The following TRAM2 variants were observed in gnomAD, a reference collection of about 807,000 sequenced individuals.
The protein encoded by TRAM2 is translocation associated membrane protein 2, also known as translocating chain-associated membrane protein 2.
In TRAM2, 12 loss-of-function variants were observed where a neutral mutation model predicts 51.0. The ratio of observed to expected loss-of-function variants is 0.24; its 90% CI spans 0.15 to 0.38. The LOEUF is 0.38. Among genes scored for constraint, TRAM2 ranks in the 10% least tolerant of loss-of-function variants. The probability of loss-of-function intolerance (pLI) is 1.00; values close to 1 mark genes in which losing one functional copy is unlikely to be tolerated. For synonymous variants in TRAM2, 175 were observed against 179.4 expected, an observed-to-expected ratio of 0.98 and a Z score of 0.20; for missense variants, 361 against 462.0, an observed-to-expected ratio of 0.78 and a Z score of 2.00.
At chr6:52,569,388 TAAAAAAAA>T (rs11331630) in intron 1 of TRAM2, among the ~76,000 whole-genome samples, 12 of 136,122 alleles carry the variant, frequency 8.8e-5, no homozygotes, top group African/African-American at 2.8e-4. Context: ...AGACTCCATT[TAAAAAAAA>T]AAAAAAAAAA....
intron 4 of TRAM2, among the ~76,000 whole-genome samples, chr6:52,513,429 C>T (rs188869314): frequency 5.9e-5 from 9 of 152,204 alleles, no homozygotes; most frequent in South Asian, 2.1e-4. Context: ...CAGTGAGCAC[C>T]GTGCCTGCTA....
intron 1 of TRAM2, among the ~76,000 whole-genome samples, chr6:52,552,431 T>C (rs1202721898): frequency 6.6e-6 from 1 of 152,182 alleles, no homozygotes; most frequent in Non-Finnish European, 1.5e-5. Context: ...TGTACATATA[T>C]TACTAAGAGG....
At chr6:52,512,656 A>G (rs1045805819) in intron 4 of TRAM2, among the ~76,000 whole-genome samples, 1 of 152,164 alleles carries the variant, frequency 6.6e-6, no homozygotes, top group Admixed American at 6.5e-5. Flanking sequence ...CGATTCTACA[A>G]ATCCACCCAT....
At chr6:52,537,241 A>G (rs1341620288) in intron 1 of TRAM2, among the ~76,000 whole-genome samples, 3 of 152,318 alleles carry the variant, frequency 2.0e-5, no homozygotes, top group Non-Finnish European at 4.4e-5. Context: ...ATTAGCTAAG[A>G]GGAGTGATAG....
chr6:52,516,412 T>C, intron 3 of TRAM2: 1 of 599,356 alleles, frequency 1.7e-6, no homozygotes, highest in South Asian at 2.0e-5. Flanking sequence ...GACAGCTTTC[T>C]CTCTGTGTAA....
chr6:52,519,172 G>A (rs929821654), intron 2 of TRAM2, among the ~76,000 whole-genome samples: 7 of 152,236 alleles, frequency 4.6e-5, no homozygotes, highest in East Asian at 1.9e-4. Flanking sequence ...ACTGGGAGAC[G>A]GCAGTGAGCA....
chr6:52,516,897 C>G, intron 2 of TRAM2, 160 bp from the exon 3 acceptor site: 1 of 625,074 alleles, frequency 1.6e-6, no homozygotes, highest in Non-Finnish European at 2.9e-6. Context: ...ATCCTGCCCA[C>G]CCTCTGGTCT....
At chr6:52,542,584 A>G (rs923224811) in intron 1 of TRAM2, among the ~76,000 whole-genome samples, 2 of 152,212 alleles carry the variant, frequency 1.3e-5, no homozygotes, top group Admixed American at 6.5e-5. Context: ...TTCACCTGAA[A>G]AACTGCCTTG....
intron 5 of TRAM2, among the ~76,000 whole-genome samples, chr6:52,508,836 C>G (rs981417430): frequency 6.6e-6 from 1 of 152,070 alleles, no homozygotes; most frequent in Non-Finnish European, 1.5e-5. Flanking sequence ...GAGTTTGAGA[C>G]CAGCCTGGCC....
chr6:52,570,801 C>CCG (rs1554267162), intron 1 of TRAM2, among the ~76,000 whole-genome samples: 1 of 119,542 alleles, frequency 8.4e-6, no homozygotes, highest in Non-Finnish European at 1.8e-5. Context: ...CACCACCCCC[C>CCG]CCCCCACACG....
intron 2 of TRAM2, among the ~76,000 whole-genome samples, chr6:52,531,899 T>C (rs533297816): frequency 6.6e-6 from 1 of 152,358 alleles, no homozygotes; most frequent in South Asian, 2.1e-4. Context: ...TCAGATGGGT[T>C]CTGGACATTA....
intron 1 of TRAM2, among the ~76,000 whole-genome samples, chr6:52,573,429 AAAGG>A (rs1767712801): frequency 6.6e-6 from 1 of 152,304 alleles, no homozygotes; most frequent in East Asian, 1.9e-4. Context: ...TTAACGGTGG[AAAGG>A]AAGGAGGGGG....
chr6:52,508,006 C>G (rs1766379897), intron 6 of TRAM2, among the ~76,000 whole-genome samples: 2 of 152,192 alleles, frequency 1.3e-5, no homozygotes, highest in Non-Finnish European at 2.9e-5. Context: ...AGGTTTCCTC[C>G]AAAGCCACAG....
chr6:52,505,819 C>A, intron 8 of TRAM2, 77 bp from the exon 9 acceptor site: 4 of 1,526,370 alleles, frequency 2.6e-6, no homozygotes, highest in Non-Finnish European at 3.5e-6. Flanking sequence ...CCAGAAGAGA[C>A]CCCGAGTGGG....
In TRAM2 at chr6:52,503,063, C is replaced by A. The variant is rs1448963761; in HGVS notation, c.*134G>T. 15 of 746,696 alleles carry A rather than the reference C, an allele frequency of 2.0e-5. No individual in the cohort carries two copies. The highest frequency in any genetic ancestry group is 3.0e-5 in the Non-Finnish European group (13 of 426,732). The allele number at this position is 746,696 out of a possible 1,614,324, so 46.3% of individuals were successfully genotyped here. A position where few individuals can be genotyped will look rare whatever the true frequency, so the allele number is the denominator to read the frequency against. On this transcript the variant is annotated 3_prime_UTR_variant, in exon 11 of 11. Coordinates refer to ENST00000182527, the MANE Select transcript of TRAM2 (RefSeq NM_012288.4). ...GAAGGAAAGCGAAACGCCCCCTCCC[C>A]CCATTGCAAGACAGGTTTCGGCTGT...
chr6:52,573,022 T>C (rs1056794626), intron 1 of TRAM2, among the ~76,000 whole-genome samples: 5 of 152,104 alleles, frequency 3.3e-5, no homozygotes, highest in African/African-American at 4.8e-5. Context: ...CTACAAATGA[T>C]AGGCTCAGAA....
At position 52,499,629 on chromosome 6, in the gene TRAM2, G is replaced by A. The variant is rs1432344016; in HGVS notation, c.*3568C>T. ...AAAAAGAAGGGGTACTGACAAAGGA[G>A]GTCCCAAAAGAGACCCCAGAAGCAC... On this transcript the variant is annotated 3_prime_UTR_variant, in exon 11 of 11. Coordinates refer to ENST00000182527, the MANE Select transcript of TRAM2 (RefSeq NM_012288.4). 6.6e-6 allele frequency: 1 copy of A among 152,100 alleles called. No homozygotes were observed. The highest frequency in any genetic ancestry group is 1.5e-5 in the Non-Finnish European group (1 of 68,028). 9.4% of individuals were successfully genotyped at this position (152,100 alleles called of 1,614,324 possible). A position where few individuals can be genotyped will look rare whatever the true frequency, so the allele number is the denominator to read the frequency against.
chr6:52,525,952 C>G (rs74783265), intron 2 of TRAM2, among the ~76,000 whole-genome samples: 24,609 of 151,926 alleles, frequency 0.16, 2,041 homozygotes, highest in African/African-American at 0.18. Context: ...TGACAAGAGA[C>G]AGGGAGATGA....
intron 1 of TRAM2, among the ~76,000 whole-genome samples, chr6:52,561,773 G>A (rs574057542): frequency 6.1e-4 from 93 of 152,116 alleles, no homozygotes; most frequent in Non-Finnish European, 9.9e-4. Flanking sequence ...ACAGGCGTGT[G>A]CCACCACGCC....
Sources: allele counts gnomAD v4.1 joint callset (sites outside exome capture counted in the v4.1 genomes callset), GRCh38; gene constraint gnomAD v4.1.1; transcripts MANE v1.5; gene names NCBI Gene and HGNC (gene_info 2026-07-23, HGNC 2026-07-21).